Variants in ROBO1 observed in about 807,000 individuals in gnomAD.
The protein encoded by ROBO1 is roundabout guidance receptor 1.
Under a neutral mutation model 195.9 loss-of-function variants are expected in ROBO1, and 149 were observed. The observed-to-expected ratio is 0.76, with a 90% confidence interval of 0.67 to 0.87. The LOEUF is 0.87. Ranked by LOEUF, ROBO1 falls within the 40% of genes least tolerant of loss-of-function variation. The probability of loss-of-function intolerance (pLI) is 0.00; values close to 1 mark genes in which losing one functional copy is unlikely to be tolerated. For missense variants in ROBO1, 1,933 were observed against 2,068.3 expected (o/e 0.93, Z 1.27); for synonymous variants, 816 against 733.2 (o/e 1.11, Z -1.82).
intron 1 of ROBO1, among the ~76,000 whole-genome samples, chr3:79,594,400 T>C (rs1354170082): frequency 6.6e-6 from 1 of 152,016 alleles, no homozygotes; most frequent in African/African-American, 2.4e-5. Context: ...TGTATATACA[T>C]ATGGCTTTGA....
chr3:79,375,738 A>G (rs985000636), intron 2 of ROBO1, among the ~76,000 whole-genome samples: 2 of 152,232 alleles, frequency 1.3e-5, no homozygotes, highest in Non-Finnish European at 2.9e-5. Flanking sequence ...TCCTCGCTAT[A>G]TTAACAATGT....
intron 2 of ROBO1, among the ~76,000 whole-genome samples, chr3:79,207,323 C>T (rs2081887836): frequency 6.6e-6 from 1 of 152,106 alleles, no homozygotes; most frequent in Admixed American, 6.5e-5. Context: ...TATTTGTCAA[C>T]CTTTTTTGAA....
chr3:79,480,244 G>C (rs901169922), intron 2 of ROBO1, among the ~76,000 whole-genome samples: 4 of 152,134 alleles, frequency 2.6e-5, no homozygotes, highest in African/African-American at 9.7e-5. Flanking sequence ...AAAGTATTTT[G>C]ATATAATTGG....
intron 1 of ROBO1, among the ~76,000 whole-genome samples, chr3:79,755,250 C>T (rs1231238337): frequency 1.3e-5 from 2 of 152,018 alleles, no homozygotes; most frequent in African/African-American, 4.8e-5. Context: ...AAAATAATTG[C>T]TTAATTTTTC....
intron 4 of ROBO1, among the ~76,000 whole-genome samples, chr3:78,831,534 G>A (rs1458717547): frequency 6.6e-6 from 1 of 152,124 alleles, no homozygotes; most frequent in African/African-American, 2.4e-5. Context: ...CAGATGTTCA[G>A]TTGTGCACAG....
In ROBO1 at chr3:78,683,553, G is replaced by A. The variant is rs550884838; in HGVS notation, c.1342+2193C>T. Reference sequence around the variant, plus strand: ...AATAATTAACACATATGGGCCGGGCGTGGTAGCTCATACCTATAATCCTAG... The same window carrying A: ...AATAATTAACACATATGGGCCGGGCATGGTAGCTCATACCTATAATCCTAG... On this transcript the variant is annotated intron_variant, in intron 10 of 30. Transcript: ENST00000464233. 1.8e-4 allele frequency among the ~76,000 whole-genome samples: 28 copies of A among 152,074 alleles called. No individual in the cohort carries two copies. The South Asian group carries it at 2.5e-3, about 14-fold the overall frequency.
intron 3 of ROBO1, among the ~76,000 whole-genome samples, chr3:79,117,382 A>AAC (rs1465101911): frequency 6.7e-6 from 1 of 148,848 alleles, no homozygotes. Flanking sequence ...AACAAAAACA[A>AAC]AAAAAAAAAG....
chr3:78,697,004 T>C (rs925373420), intron 8 of ROBO1, among the ~76,000 whole-genome samples: 2 of 150,948 alleles, frequency 1.3e-5, no homozygotes, highest in Non-Finnish European at 2.9e-5. Flanking sequence ...CAAAACAGTA[T>C]ATTTTGACAA....
At chr3:78,900,543 T>C (rs188613732) in intron 4 of ROBO1, among the ~76,000 whole-genome samples, 100 of 152,286 alleles carry the variant, frequency 6.6e-4, no homozygotes, top group Middle Eastern at 3.4e-3. Flanking sequence ...AACAAATACA[T>C]TGATGTTTTA....
intron 1 of ROBO1, among the ~76,000 whole-genome samples, chr3:79,621,316 GC>G (rs1476622654): frequency 6.6e-6 from 1 of 151,964 alleles, no homozygotes; most frequent in East Asian, 1.9e-4. Flanking sequence ...CTATAAAACT[GC>G]CCCACCCCTA....
At chr3:79,189,244 C>T (rs2108751575) in intron 2 of ROBO1, among the ~76,000 whole-genome samples, 1 of 151,704 alleles carries the variant, frequency 6.6e-6, no homozygotes, top group Admixed American at 6.6e-5. Flanking sequence ...TTTAAGGCCA[C>T]TTAATAGATA....
chr3:78,688,982 A>C (rs2081112235), intron 8 of ROBO1, among the ~76,000 whole-genome samples: 1 of 152,192 alleles, frequency 6.6e-6, no homozygotes, highest in Non-Finnish European at 1.5e-5. Flanking sequence ...GAAGTTTTTT[A>C]TTACCTGACC....
chr3:79,043,339 G>A (rs2078523446), intron 3 of ROBO1, among the ~76,000 whole-genome samples: 2 of 151,868 alleles, frequency 1.3e-5, no homozygotes, highest in African/African-American at 4.8e-5. Flanking sequence ...GCTCTTCTCA[G>A]GCATAGAAGG....
chr3:79,531,025 A>G lies in ROBO1; in HGVS notation c.88+58799T>C, dbSNP rs562855345. Among the ~76,000 whole-genome samples, 3 of 151,930 alleles carry G rather than the reference A, an allele frequency of 2.0e-5. No individual in the cohort carries two copies. The East Asian group carries it at 5.8e-4, about 30-fold the overall frequency. ...ACATTTTTTCCACCAGCACTCACACACTATTTTTCTCATAAGTCAGACTTC... is the reference window on the plus strand; with the variant it reads ...ACATTTTTTCCACCAGCACTCACACGCTATTTTTCTCATAAGTCAGACTTC... On this transcript the variant is annotated intron_variant, in intron 2 of 30. Transcript: ENST00000464233.
In ROBO1 at chr3:79,621,849, G is replaced by T. The variant is rs79573132; in HGVS notation, c.-50-31888C>A. ...CTCATAGATTTCATAAAGCAATTGC[G>T]CAGTTGAGACTACAAGGCAACTACG... On this transcript the variant is annotated intron_variant, in intron 1 of 30. Coordinates refer to ENST00000464233, the MANE Select transcript of ROBO1 (RefSeq NM_002941.4). Among the ~76,000 whole-genome samples, 285 of 152,188 alleles carry T rather than the reference G, an allele frequency of 1.9e-3. 1 individual carries two copies. Among genetic ancestry groups the T allele is most frequent in the African/African-American group, 6.7e-3 (277 of 41,522 alleles).
At chr3:79,128,250 G>T (rs543729305) in intron 2 of ROBO1, among the ~76,000 whole-genome samples, 1 of 152,102 alleles carries the variant, frequency 6.6e-6, no homozygotes, top group Non-Finnish European at 1.5e-5. Context: ...ATTGAAACAG[G>T]TTCAGCTGCA....
chr3:78,731,627 T>G (rs1169034877), intron 5 of ROBO1, among the ~76,000 whole-genome samples: 2 of 152,108 alleles, frequency 1.3e-5, no homozygotes, highest in Non-Finnish European at 2.9e-5. Context: ...CAGTCATCTC[T>G]TCTGAAAAAA....
rs534088255 is a variant in ROBO1 at position 79,726,791 on chromosome 3, G to A, written c.-51+40961C>T. Among the ~76,000 whole-genome samples, 279 of 152,146 alleles carry A rather than the reference G, an allele frequency of 1.8e-3. 1 individual carries two copies. Among genetic ancestry groups the A allele is most frequent in the South Asian group, 0.017 (81 of 4,824 alleles). On this transcript the variant is annotated intron_variant, in intron 1 of 30. Transcript: ENST00000464233. Reference sequence around the variant, plus strand: ...TCGACATCTAGTCCTTTGAAAATAGGGTATATAAAGAGAGTAAAATCCAAA... The same window carrying A: ...TCGACATCTAGTCCTTTGAAAATAGAGTATATAAAGAGAGTAAAATCCAAA...
intron 2 of ROBO1, among the ~76,000 whole-genome samples, chr3:79,317,534 A>G (rs2033790825): frequency 6.6e-6 from 1 of 152,132 alleles, no homozygotes; most frequent in South Asian, 2.1e-4. Flanking sequence ...GAAAAAAAAT[A>G]TTTTTTATTT....
Sources: gnomAD v4.1 joint callset for allele counts (sites outside exome capture counted in the v4.1 genomes callset) on GRCh38, gnomAD v4.1.1 for gene constraint, MANE v1.5 for transcripts, NCBI Gene and HGNC (gene_info 2026-07-23, HGNC 2026-07-21) for gene names.